Variants in RASGRP3 observed in about 807,000 individuals in gnomAD.
RASGRP3 encodes the protein RAS guanyl releasing protein 3, also known as ras guanyl-releasing protein 3.
Under a neutral mutation model 82.7 loss-of-function variants are expected in RASGRP3, and 54 were observed. The ratio of observed to expected loss-of-function variants is 0.65; its 90% CI spans 0.52 to 0.82. The LOEUF is 0.82. Ranked by LOEUF, RASGRP3 falls within the 40% of genes least tolerant of loss-of-function variation. RASGRP3 has a pLI of 0.00. For synonymous variants in RASGRP3, 309 were observed against 300.5 expected (o/e 1.03, Z -0.29); for missense variants, 861 against 828.9 (o/e 1.04, Z -0.48).
chr2:33,562,861 G>T lies in RASGRP3; in HGVS notation c.*124G>T. 8.1e-7 allele frequency: 1 copy of T among 1,232,714 alleles called. No homozygotes were observed. Among genetic ancestry groups the T allele is most frequent in the East Asian group, 2.4e-5 (1 of 41,070 alleles). The allele number at this position is 1,232,714 out of a possible 1,614,324, so 76.4% of individuals were successfully genotyped here. ...AAGATACCTGGATGTTTACTGCCTT[G>T]GGACACTGTGGGATCTCCATGTTTG... On this transcript the variant is annotated 3_prime_UTR_variant, in exon 18 of 18. Transcript: ENST00000403687.
intron 2 of RASGRP3, among the ~76,000 whole-genome samples, chr2:33,460,887 G>A (rs1339113408): frequency 1.3e-5 from 2 of 152,156 alleles, no homozygotes; most frequent in African/African-American, 2.4e-5. Context: ...AAGGAAACAA[G>A]ACTATGTGAT....
chr2:33,452,328 G>A (rs1222246673), intron 2 of RASGRP3, among the ~76,000 whole-genome samples: 3 of 152,160 alleles, frequency 2.0e-5, no homozygotes, highest in East Asian at 1.9e-4. Flanking sequence ...TGCATATGAA[G>A]AAGTAAGCAC....
intron 1 of RASGRP3, among the ~76,000 whole-genome samples, chr2:33,477,814 C>G (rs929065268): frequency 6.6e-6 from 1 of 152,176 alleles, no homozygotes; most frequent in African/African-American, 2.4e-5. Context: ...GATAACCAAA[C>G]AGGTTCCTGT....
intron 12 of RASGRP3, among the ~76,000 whole-genome samples, chr2:33,541,413 T>C (rs1674270550): frequency 6.8e-6 from 1 of 146,826 alleles, no homozygotes; most frequent in African/African-American, 2.4e-5. Flanking sequence ...GATTATTTCT[T>C]TAGGACAGAT....
chr2:33,512,020 G>A (rs979241310), intron 2 of RASGRP3, among the ~76,000 whole-genome samples, 178 bp downstream of exon 2: 1 of 152,184 alleles, frequency 6.6e-6, no homozygotes, highest in African/African-American at 2.4e-5. Context: ...TATTGCTTTT[G>A]TGATAAAGAA....
intron 1 of RASGRP3, among the ~76,000 whole-genome samples, chr2:33,486,550 C>T (rs1295408178): frequency 6.6e-6 from 1 of 152,176 alleles, no homozygotes; most frequent in African/African-American, 2.4e-5. Context: ...TAGGATTTTA[C>T]TGTTTAGTTA....
intron 2 of RASGRP3, among the ~76,000 whole-genome samples, chr2:33,514,543 G>C (rs934649502): frequency 1.4e-5 from 2 of 145,256 alleles, no homozygotes; most frequent in Non-Finnish European, 3.0e-5. Flanking sequence ...AAAATAGCCA[G>C]GAGTGGTGGT....
rs35406835 is a variant in RASGRP3 at position 33,524,002 on chromosome 2, A to AC, written c.646dup (p.Gln216ProfsTer24). 1.2e-6 allele frequency: 2 copies of AC among 1,613,830 alleles called. No homozygotes were observed. The highest frequency in any genetic ancestry group is 1.7e-6 in the Non-Finnish European group (2 of 1,179,846). On this transcript the variant is annotated frameshift_variant, in exon 8 of 18. Transcript: ENST00000403687. LOFTEE classifies it high-confidence loss of function. ...CCAGTTGATGGTTCTTAGCAAACCA[A>AC]CCCCCCAGCAAAGGGCAGAAGTCAT...
Position 33,552,055 on chromosome 2 carries a change from G to A in RASGRP3, c.1542+2304G>A, listed in dbSNP as rs151130741. On this transcript the variant is annotated intron_variant, in intron 14 of 17. Transcript: ENST00000403687. ...GAAACAAACTCAAGATCTTATCTCCGCTCTCTAGTCCTTCTGTCCTGCCCC... is the reference window on the plus strand; with the variant it reads ...GAAACAAACTCAAGATCTTATCTCCACTCTCTAGTCCTTCTGTCCTGCCCC... 1.8e-3 allele frequency among the ~76,000 whole-genome samples: 272 copies of A among 152,220 alleles called. 1 individual carries two copies. Among genetic ancestry groups the A allele is most frequent in the African/African-American group, 4.9e-3 (204 of 41,536 alleles).
chr2:33,526,027 C>T (rs1047308518), intron 9 of RASGRP3, among the ~76,000 whole-genome samples: 9 of 152,190 alleles, frequency 5.9e-5, no homozygotes, highest in African/African-American at 1.7e-4. Context: ...TTCCCTTGTT[C>T]ATGAAAGTTG....
At chr2:33,562,671 C>T in intron 17 of RASGRP3, 58 bp from the exon 18 acceptor site, 1 of 1,584,078 alleles carries the variant, frequency 6.3e-7, no homozygotes, top group Non-Finnish European at 8.7e-7. Flanking sequence ...TTTCTAGGAA[C>T]ACTCTTATTT....
chr2:33,512,386 C>T (rs1288678351), intron 2 of RASGRP3, among the ~76,000 whole-genome samples: 1 of 152,060 alleles, frequency 6.6e-6, no homozygotes, highest in Non-Finnish European at 1.5e-5. Context: ...TCTACTCTTC[C>T]GTGAGTAACA....
chr2:33,465,204 T>G (rs1666623131), intron 2 of RASGRP3, among the ~76,000 whole-genome samples: 1 of 152,206 alleles, frequency 6.6e-6, no homozygotes, highest in South Asian at 2.1e-4. Flanking sequence ...ATTGCTGATA[T>G]GAAGAAAGTT....
At chr2:33,479,256 A>T (rs1337602055) in intron 1 of RASGRP3, among the ~76,000 whole-genome samples, 2 of 152,176 alleles carry the variant, frequency 1.3e-5, no homozygotes, top group African/African-American at 4.8e-5. Flanking sequence ...GGCTGGTGGC[A>T]TGTTTTTCTC....
At chr2:33,505,364 G>A (rs6734366) in intron 1 of RASGRP3, among the ~76,000 whole-genome samples, 1,589 of 151,062 alleles carry the variant, frequency 0.011, 17 homozygotes, top group African/African-American at 0.029. Context: ...GTGCAATGGC[G>A]CGATCTTGGC....
At chr2:33,508,818 C>T (rs961901679) in intron 1 of RASGRP3, among the ~76,000 whole-genome samples, 101 of 152,174 alleles carry the variant, frequency 6.6e-4, no homozygotes, top group African/African-American at 2.0e-3. Context: ...GTTTAGTGTT[C>T]CTTGCTTTTT....
rs367654354 is a variant in RASGRP3, at chr2:33,564,041, C to T, written c.*1304C>T. The T allele has an allele frequency of 2.4e-4, 36 of 152,258 alleles. No homozygotes were observed. Among genetic ancestry groups the T allele is most frequent in the African/African-American group, 7.7e-4 (32 of 41,560 alleles). 9.4% of individuals were successfully genotyped at this position (152,258 alleles called of 1,614,324 possible). ...ATTTGGGGGCTAAAGTGTATATATT[C>T]CATTTAAAATGGAATTTGTTTGTAT... On this transcript the variant is annotated 3_prime_UTR_variant, in exon 18 of 18. Transcript: ENST00000403687.
Position 33,562,919 on chromosome 2 carries a change from TAAC to T in RASGRP3, c.*183_*185del. 2.8e-6 allele frequency: 2 copies of T among 722,248 alleles called. No homozygotes were observed. Among genetic ancestry groups the T allele is most frequent in the Non-Finnish European group, 4.5e-6 (2 of 441,464 alleles). 44.7% of individuals were successfully genotyped at this position (722,248 alleles called of 1,614,324 possible). On this transcript the variant is annotated 3_prime_UTR_variant, in exon 18 of 18. Coordinates refer to ENST00000403687, the MANE Select transcript of RASGRP3 (RefSeq NM_001139488.2). ...GGACAGAGAATTGACCCTAACTAAC[TAAC>T]TATGAACTATTTATTTCCTCCTCCC...
At chr2:33,450,808 CTCTTTCTT>C (rs1403393427) in intron 2 of RASGRP3, among the ~76,000 whole-genome samples, 8 of 65,304 alleles carry the variant, frequency 1.2e-4, no homozygotes, top group African/African-American at 2.1e-4. Flanking sequence ...CTTTCTTTTT[CTCTTTCTT>C]TCTTTCTTTT....
Sources: allele counts gnomAD v4.1 joint callset (sites outside exome capture counted in the v4.1 genomes callset), GRCh38; gene constraint gnomAD v4.1.1; transcripts MANE v1.5; gene names NCBI Gene and HGNC (gene_info 2026-07-23, HGNC 2026-07-21).